HPSE2: variants seen among roughly 807,000 people sequenced by gnomAD.
The protein encoded by HPSE2 is inactive heparanase-2.
In HPSE2, 38 loss-of-function variants were observed where a neutral mutation model predicts 60.5. The ratio of observed to expected loss-of-function variants is 0.63; its 90% CI spans 0.48 to 0.82. HPSE2 has a LOEUF of 0.82. Among genes scored for constraint, HPSE2 ranks in the 40% least tolerant of loss-of-function variants. The pLI is 0.00. For synonymous variants in HPSE2, 295 were observed against 293.2 expected, an observed-to-expected ratio of 1.01 and a Z score of -0.06; for missense variants, 713 against 740.4, an observed-to-expected ratio of 0.96 and a Z score of 0.43.
chr10:99,160,440 T>C (rs972295031), intron 2 of HPSE2, among the ~76,000 whole-genome samples: 2 of 152,176 alleles, frequency 1.3e-5, no homozygotes, highest in Non-Finnish European at 2.9e-5. Context: ...CTGCCAAGAA[T>C]GTGGAGAAAC....
At chr10:99,177,255 C>A (rs912510934) in intron 2 of HPSE2, among the ~76,000 whole-genome samples, 3 of 152,008 alleles carry the variant, frequency 2.0e-5, no homozygotes, top group African/African-American at 7.2e-5. Flanking sequence ...ATGACAGGAT[C>A]AAATTCACAC....
intron 3 of HPSE2, among the ~76,000 whole-genome samples, chr10:98,933,290 A>T (rs888518907): frequency 1.4e-5 from 2 of 143,942 alleles, no homozygotes; most frequent in Non-Finnish European, 3.0e-5. Context: ...GGGCTTTTTA[A>T]TCTTGAGTTT....
intron 5 of HPSE2, among the ~76,000 whole-genome samples, chr10:98,708,205 C>G (rs368329042): frequency 6.6e-6 from 1 of 151,916 alleles, no homozygotes; most frequent in Non-Finnish European, 1.5e-5. Flanking sequence ...GCCTGTAATC[C>G]CAGTACTTTG....
Position 98,931,926 on chromosome 10 carries a change from G to C in HPSE2, c.611-187870C>G, listed in dbSNP as rs558365830. On this transcript the variant is annotated intron_variant, in intron 3 of 11. Transcript: ENST00000370552. Reference sequence around the variant, plus strand: ...TGTCATTGGCAAACAAAGACAATTTGACTTCCTCTCTTCCTATTTGAAATT... The same window carrying C: ...TGTCATTGGCAAACAAAGACAATTTCACTTCCTCTCTTCCTATTTGAAATT... 9.0e-5 allele frequency among the ~76,000 whole-genome samples: 13 copies of C among 143,872 alleles called. No individual in the cohort carries two copies. In the East Asian group the frequency reaches 2.6e-3, roughly 28 times the overall value. 94.4% of individuals were successfully genotyped at this position (143,872 alleles called of 152,430 possible).
intron 9 of HPSE2, among the ~76,000 whole-genome samples, chr10:98,596,267 TACA>T (rs1451631196): frequency 6.6e-6 from 1 of 152,242 alleles, no homozygotes; most frequent in East Asian, 1.9e-4. Context: ...ATAATTTTGA[TACA>T]ACAATTTAAA....
intron 6 of HPSE2, among the ~76,000 whole-genome samples, chr10:98,686,466 A>T (rs1229542616): frequency 1.3e-5 from 2 of 152,114 alleles, no homozygotes; most frequent in Admixed American, 1.3e-4. Flanking sequence ...CAGTGGCATG[A>T]TCATAGCTCA....
intron 3 of HPSE2, chr10:99,047,772 C>G (rs1957889702): frequency 2.4e-6 from 2 of 833,524 alleles, no homozygotes; most frequent in African/African-American, 3.3e-5. Context: ...CTTCAAAAGG[C>G]AAGAAGGAAG....
intron 3 of HPSE2, among the ~76,000 whole-genome samples, chr10:98,883,420 C>T (rs1407407219): frequency 6.6e-6 from 1 of 152,058 alleles, no homozygotes; most frequent in Non-Finnish European, 1.5e-5. Context: ...TAGACATTCA[C>T]TGTAAGTTAA....
chr10:98,543,621 A>C (rs895129551), intron 9 of HPSE2, among the ~76,000 whole-genome samples: 1 of 152,156 alleles, frequency 6.6e-6, no homozygotes, highest in African/African-American at 2.4e-5. Flanking sequence ...TCAAAATAAA[A>C]GGATGGAGGA....
intron 3 of HPSE2, among the ~76,000 whole-genome samples, chr10:98,909,357 A>T (rs1027131896): frequency 4.0e-5 from 6 of 150,750 alleles, no homozygotes; most frequent in African/African-American, 1.2e-4. Flanking sequence ...TTGGCCGGAT[A>T]CAGTGGCTCA....
At chr10:99,110,497 T>A (rs1197731537) in intron 3 of HPSE2, among the ~76,000 whole-genome samples, 1 of 152,120 alleles carries the variant, frequency 6.6e-6, no homozygotes, top group African/African-American at 2.4e-5. Context: ...AAGACTCAAT[T>A]ATACAAGGAT....
chr10:99,185,856 C>T (rs1847987314), intron 2 of HPSE2, among the ~76,000 whole-genome samples: 1 of 150,868 alleles, frequency 6.6e-6, no homozygotes, highest in Non-Finnish European at 1.5e-5. Flanking sequence ...AGAAACAATA[C>T]AAGCAAGAGA....
intron 2 of HPSE2, among the ~76,000 whole-genome samples, chr10:99,189,054 T>C (rs2133855009): frequency 6.6e-6 from 1 of 152,360 alleles, no homozygotes; most frequent in South Asian, 2.1e-4. Flanking sequence ...GAATTACTGA[T>C]GAATGTTGAA....
chr10:98,479,600 C>T (rs1391814581), intron 11 of HPSE2, among the ~76,000 whole-genome samples: 2 of 152,178 alleles, frequency 1.3e-5, no homozygotes, highest in African/African-American at 4.8e-5. Context: ...TCCACCATGG[C>T]ACAGCCCAGG....
intron 3 of HPSE2, among the ~76,000 whole-genome samples, chr10:98,779,431 G>A (rs1486543424): frequency 6.6e-6 from 1 of 152,126 alleles, no homozygotes; most frequent in East Asian, 1.9e-4. Context: ...AATGTGAGCA[G>A]TGGAAGAACA....
rs564652477 is a variant in HPSE2 at position 98,776,047 on chromosome 10, T to C, written c.611-31991A>G. Among the ~76,000 whole-genome samples, 13 of 152,242 alleles carry C rather than the reference T, an allele frequency of 8.5e-5. No homozygotes were observed. The South Asian group carries it at 2.5e-3, about 29-fold the overall frequency. On this transcript the variant is annotated intron_variant, in intron 3 of 11. Transcript: ENST00000370552. ...CAACCATTACTCTAACTCAGGCCTC[T>C]ATATCATTCACTCAAATAGTTGCCA...
intron 3 of HPSE2, among the ~76,000 whole-genome samples, chr10:98,985,502 G>A (rs1956319668): frequency 6.6e-6 from 1 of 152,244 alleles, no homozygotes; most frequent in African/African-American, 2.4e-5. Flanking sequence ...CACTAAACAT[G>A]GAAAGGAACA....
At chr10:98,484,349 T>C (rs1194055665) in intron 10 of HPSE2, among the ~76,000 whole-genome samples, 1 of 152,224 alleles carries the variant, frequency 6.6e-6, no homozygotes, top group Non-Finnish European at 1.5e-5. Flanking sequence ...GCAATTCTCC[T>C]GCCTCAGCCT....
the HPSE2 span, among the ~76,000 whole-genome samples, chr10:99,312,777 C>G: frequency 6.6e-6 from 1 of 152,222 alleles, no homozygotes; most frequent in Non-Finnish European, 1.5e-5. Context: ...TGCAATTCCT[C>G]TGGCAGGTCT....
Sources: allele counts gnomAD v4.1 joint callset (sites outside exome capture counted in the v4.1 genomes callset), GRCh38; gene constraint gnomAD v4.1.1; transcripts MANE v1.5; gene names NCBI Gene and HGNC (gene_info 2026-07-23, HGNC 2026-07-21).